Variants in PI4KA observed in about 807,000 individuals in gnomAD.
PI4KA encodes PI4-kinase alpha.
PI4KA carries 122 observed loss-of-function variants against 271.4 expected under a neutral mutation model. The observed-to-expected ratio is 0.45, with a 90% CI of 0.39 to 0.52. The LOEUF (loss-of-function observed/expected upper bound fraction) is 0.52. Among genes scored for constraint, PI4KA ranks in the 20% least tolerant of loss-of-function variants. The pLI, the probability that PI4KA is intolerant of heterozygous loss-of-function variation, is 0.00. For missense variants in PI4KA, 1,969 were observed against 2,769.1 expected (o/e 0.71, Z 6.48); for synonymous variants, 1,041 against 1,078.8 (o/e 0.96, Z 0.69).
intron 39 of PI4KA, among the ~76,000 whole-genome samples, chr22:20,728,289 G>A (rs571668405): frequency 6.6e-6 from 1 of 152,300 alleles, no homozygotes; most frequent in South Asian, 2.1e-4. Context: ...GTTTAGCCAG[G>A]TGACGGCTAA....
chr22:20,769,810 G>A (rs1932793250), intron 19 of PI4KA, among the ~76,000 whole-genome samples: 1 of 152,158 alleles, frequency 6.6e-6, no homozygotes, highest in African/African-American at 2.4e-5. Flanking sequence ...CATGTTTGAA[G>A]TCATAGAGTA....
intron 19 of PI4KA, chr22:20,779,790 A>G (rs756943804): frequency 1.2e-6 from 2 of 1,614,236 alleles, no homozygotes; most frequent in Non-Finnish European, 1.7e-6. Context: ...TGGCATTTCT[A>G]CTGCGATGGG....
At chr22:20,773,408 A>C (rs1040725673) in intron 19 of PI4KA, among the ~76,000 whole-genome samples, 6 of 151,934 alleles carry the variant, frequency 3.9e-5, no homozygotes, top group Admixed American at 1.3e-4. Flanking sequence ...CAAACAAACA[A>C]ACACCCATAA....
At chr22:20,745,178 G>A (rs1204916697) in intron 29 of PI4KA, among the ~76,000 whole-genome samples, 1 of 152,058 alleles carries the variant, frequency 6.6e-6, no homozygotes, top group Non-Finnish European at 1.5e-5. Flanking sequence ...GACAGAAAAG[G>A]GTACACCTTG....
Position 20,733,939 on chromosome 22 carries a change from A to G in PI4KA, c.4053-96T>C. 3 of 1,535,924 alleles carry G rather than the reference A, an allele frequency of 2.0e-6. No homozygotes were observed. The South Asian group carries it at 3.8e-5, about 19-fold the overall frequency. ...TTCCCTGCCCTTCCAGGAGCAGCTC[A>G]CTGAAATGTGTTCCCCGTCTACAGA... On this transcript the variant is annotated intron_variant, in intron 34 of 54. Coordinates refer to ENST00000255882, the MANE Select transcript of PI4KA (RefSeq NM_058004.4).
intron 9 of PI4KA, among the ~76,000 whole-genome samples, chr22:20,809,602 C>T (rs1039234082): frequency 6.6e-5 from 10 of 152,126 alleles, no homozygotes; most frequent in African/African-American, 2.4e-4. Context: ...GCCCAGCTCT[C>T]GCCCTGGTCC....
intron 3 of PI4KA, among the ~76,000 whole-genome samples, chr22:20,833,653 T>C (rs988507120): frequency 1.1e-4 from 11 of 100,462 alleles, no homozygotes; most frequent in Middle Eastern, 6.0e-3. Flanking sequence ...TTTGGTTTGT[T>C]TTTGTTTTTT....
chr22:20,788,372 G>A (rs955777287), intron 19 of PI4KA, among the ~76,000 whole-genome samples: 7 of 152,194 alleles, frequency 4.6e-5, no homozygotes, highest in South Asian at 4.1e-4. Flanking sequence ...GAGTAGGGAC[G>A]GAAGGGGAAC....
At chr22:20,742,177 C>T (rs374878005) in intron 32 of PI4KA, 51 bp downstream of exon 32, 42 of 1,585,188 alleles carry the variant, frequency 2.6e-5, no homozygotes, top group South Asian at 4.6e-5. Flanking sequence ...AGGCTCTTCC[C>T]GTCTGTTATC....
At chr22:20,847,386 A>G (rs1926399904) in intron 1 of PI4KA, among the ~76,000 whole-genome samples, 1 of 152,218 alleles carries the variant, frequency 6.6e-6, no homozygotes, top group South Asian at 2.1e-4. Context: ...CAGGAGTTTG[A>G]GACCAGTCTG....
At chr22:20,826,061 G>A (rs1295635964) in intron 3 of PI4KA, among the ~76,000 whole-genome samples, 1 of 152,166 alleles carries the variant, frequency 6.6e-6, no homozygotes, top group African/African-American at 2.4e-5. Flanking sequence ...CGTGATCTTG[G>A]CCAGGTATGG....
intron 10 of PI4KA, among the ~76,000 whole-genome samples, chr22:20,805,648 C>A (rs376100212): frequency 1.3e-5 from 2 of 151,716 alleles, no homozygotes; most frequent in African/African-American, 4.8e-5. Context: ...CTGGCTAACA[C>A]GGTGAAACCC....
chr22:20,781,129 C>A (rs1408396340), intron 19 of PI4KA, among the ~76,000 whole-genome samples: 1 of 152,094 alleles, frequency 6.6e-6, no homozygotes, highest in East Asian at 1.9e-4. Context: ...GGGCTGAGCA[C>A]AAGGGCACTT....
At chr22:20,800,320 G>C (rs965180173) in intron 14 of PI4KA, among the ~76,000 whole-genome samples, 2 of 152,186 alleles carry the variant, frequency 1.3e-5, no homozygotes, top group Non-Finnish European at 2.9e-5. Context: ...CAAGGAACCA[G>C]AATCCAGGGA....
At chr22:20,746,279 G>T (rs953663972) in intron 29 of PI4KA, among the ~76,000 whole-genome samples, 1 of 151,830 alleles carries the variant, frequency 6.6e-6, no homozygotes, top group African/African-American at 2.4e-5. Context: ...GGCCAGGATG[G>T]TCTCGATCCA....
At chr22:20,858,540 T>C in intron 1 of PI4KA, 30 bp downstream of exon 1, 1 of 1,343,074 alleles carries the variant, frequency 7.4e-7, no homozygotes, top group Non-Finnish European at 9.6e-7. Flanking sequence ...CCTCCTCCTG[T>C]CAGCCCGCGG....
rs1925470890 is a variant in PI4KA at position 20,712,724 on chromosome 22, A to G, written c.5645T>C (p.Phe1882Ser). Residue 1882 changes from phenylalanine (F) to serine (S), a missense_variant, in exon 49 of 55, where the codon TTT becomes TCT. This residue lies in a region of PI4KA where 110 missense variants were observed against 349.8 expected (regional missense o/e 0.31). Coordinates refer to ENST00000255882, the MANE Select transcript of PI4KA (RefSeq NM_058004.4). ...GGCAGTGGCCACCACGCGGTAGGGA[A>G]AAACAAAGAGGTCCAGGCCGACCAG... ...FQLVGLDLFV[F>S]PYRVVATAPG... 1.3e-6 allele frequency: 2 copies of G among 1,551,328 alleles called. No homozygotes were observed. The highest frequency in any genetic ancestry group is 1.7e-6 in the Non-Finnish European group (2 of 1,147,866).
At position 20,751,297 on chromosome 22, in the gene PI4KA, C is replaced by A. The variant is rs1291598434; in HGVS notation, c.3149G>T (p.Arg1050Leu). The A allele has an allele frequency of 6.2e-7, 1 of 1,613,202 alleles. No individual in the cohort carries two copies. The highest frequency in any genetic ancestry group is 2.2e-5 in the East Asian group (1 of 44,888). ...RITVPDTYEA[R>L]ESIVKDFAAR... ...AGGGGATCGTGTCGGGCCTACCTCA[C>A]GGGCTTCGTACGTGTCAGGAACCGT... Residue 1050 changes from arginine (R) to leucine (L), a missense_variant, in exon 27 of 55, where the codon CGT becomes CTT. By Grantham distance (102) the Arg-to-Leu change is moderately radical. Transcript: ENST00000255882.
intron 45 of PI4KA, among the ~76,000 whole-genome samples, chr22:20,715,982 C>A (rs937286547): frequency 6.6e-6 from 1 of 152,154 alleles, no homozygotes; most frequent in Non-Finnish European, 1.5e-5. Context: ...CCTCCACCTC[C>A]TGGGTTCAAG....
Sources: allele counts gnomAD v4.1 joint callset (sites outside exome capture counted in the v4.1 genomes callset), GRCh38; gene constraint gnomAD v4.1.1; regional missense constraint gnomAD v4.1.1; transcripts MANE v1.5; gene names NCBI Gene and HGNC (gene_info 2026-07-23, HGNC 2026-07-21).